Variants in GRIP1 observed in about 807,000 individuals in gnomAD.
The protein encoded by GRIP1 is glutamate receptor interacting protein 1.
In GRIP1, 45 loss-of-function variants were observed where a neutral mutation model predicts 129.9. The ratio of observed to expected loss-of-function variants is 0.35; its 90% CI spans 0.27 to 0.44. The LOEUF (loss-of-function observed/expected upper bound fraction) is 0.44, where lower values mean the gene tolerates loss of function less well. Ranked by LOEUF, GRIP1 falls within the 20% of genes least tolerant of loss-of-function variation. GRIP1 has a pLI of 1.00. For synonymous variants in GRIP1, 530 were observed against 520.8 expected (o/e 1.02, Z -0.24); for missense variants, 1,196 against 1,396.8 (o/e 0.86, Z 2.29).
intron 16 of GRIP1, among the ~76,000 whole-genome samples, chr12:66,399,608 G>C (rs1398882074): frequency 6.6e-6 from 1 of 151,950 alleles, no homozygotes; most frequent in African/African-American, 2.4e-5. Flanking sequence ...CTCAGCTCTA[G>C]TTAACAAAAT....
chr12:66,738,999 G>A (rs1189633767), intron 1 of GRIP1, among the ~76,000 whole-genome samples: 1 of 152,082 alleles, frequency 6.6e-6, no homozygotes, highest in African/African-American at 2.4e-5. Context: ...GACTTGGAGA[G>A]CCTTATATAT....
At chr12:66,840,344 G>T (rs1187369899) in intron 1 of GRIP1, among the ~76,000 whole-genome samples, 1 of 152,166 alleles carries the variant, frequency 6.6e-6, no homozygotes, top group Non-Finnish European at 1.5e-5. Context: ...TCAGTTTGGG[G>T]TGGTGGCTTT....
intron 23 of GRIP1, among the ~76,000 whole-genome samples, chr12:66,365,369 G>A (rs559329642): frequency 2.6e-5 from 4 of 152,278 alleles, no homozygotes; most frequent in African/African-American, 9.6e-5. Flanking sequence ...CCTGGGAGGC[G>A]GAGGTTGCAG....
Position 66,528,134 on chromosome 12 carries a change from G to GTTT in GRIP1, c.502+1694_502+1696dup, listed in dbSNP as rs59443918. On this transcript the variant is annotated intron_variant, in intron 5 of 24. Transcript: ENST00000359742. ...TAGAATTATACTTTAGAATTAGTAGGTTTTTTTTTTTTTTTTTTGAGATGG... is the reference window on the plus strand; with the variant it reads ...TAGAATTATACTTTAGAATTAGTAGGTTTTTTTTTTTTTTTTTTTTTGAGATGG... Among the ~76,000 whole-genome samples the GTTT allele has an allele frequency of 1.6e-3, 155 of 99,224 alleles. 5 individuals are homozygous for GTTT. The highest frequency in any genetic ancestry group is 6.3e-3 in the African/African-American group (134 of 21,110). The allele number at this position is 99,224 out of a possible 152,430, so 65.1% of individuals were successfully genotyped here. A position where few individuals can be genotyped will look rare whatever the true frequency, so the allele number is the denominator to read the frequency against.
chr12:66,964,229 C>G (rs1437516364), intron 1 of GRIP1, among the ~76,000 whole-genome samples: 2 of 152,128 alleles, frequency 1.3e-5, no homozygotes, highest in Non-Finnish European at 2.9e-5. Context: ...TGAATACCTT[C>G]TGTGTGCCAG....
chr12:66,527,591 A>G lies in GRIP1; in HGVS notation c.502+2240T>C, dbSNP rs182852515. 2.0e-3 allele frequency among the ~76,000 whole-genome samples: 300 copies of G among 152,176 alleles called. 1 individual carries two copies. The highest frequency in any genetic ancestry group is 7.0e-3 in the African/African-American group (289 of 41,510). On this transcript the variant is annotated intron_variant, in intron 5 of 24. Transcript: ENST00000359742. ...CTAATGCTAAATGACAAGTTAATGG[A>G]TGCAGCACACCAACATGGCACATGT...
intron 1 of GRIP1, among the ~76,000 whole-genome samples, chr12:66,790,685 C>T (rs2038502233): frequency 6.6e-6 from 1 of 151,948 alleles, no homozygotes; most frequent in South Asian, 2.1e-4. Context: ...AAGAAAGGTA[C>T]TGGGAACATA....
intron 1 of GRIP1, among the ~76,000 whole-genome samples, chr12:67,030,429 A>C (rs1296628354): frequency 6.6e-6 from 1 of 152,052 alleles, no homozygotes; most frequent in Admixed American, 6.6e-5. Flanking sequence ...CGGCAACATA[A>C]CTCAAGCAAT....
intron 23 of GRIP1, 130 bp from the exon 24 acceptor site, chr12:66,353,693 C>A (rs2054343302): frequency 1.2e-6 from 1 of 823,668 alleles, no homozygotes; most frequent in East Asian, 2.4e-5. Context: ...TCAGTCAGCT[C>A]CCTGCACCAA....
chr12:66,642,116 T>C (rs1242725255), intron 1 of GRIP1, among the ~76,000 whole-genome samples: 3 of 152,030 alleles, frequency 2.0e-5, no homozygotes, highest in East Asian at 1.9e-4. Flanking sequence ...TACAATATAG[T>C]GTTAAATGCC....
chr12:66,754,575 CA>C (rs1325898932), intron 1 of GRIP1, among the ~76,000 whole-genome samples: 2 of 152,174 alleles, frequency 1.3e-5, no homozygotes, highest in Non-Finnish European at 1.5e-5. Flanking sequence ...AGAGAGCCGT[CA>C]CTACACTGTC....
At chr12:67,005,236 A>C (rs1315450765) in intron 1 of GRIP1, among the ~76,000 whole-genome samples, 1 of 152,178 alleles carries the variant, frequency 6.6e-6, no homozygotes, top group Non-Finnish European at 1.5e-5. Flanking sequence ...ATATTTTAAA[A>C]ACTAGTTTTC....
At chr12:66,428,577 TGTG>T (rs1226382098) in intron 14 of GRIP1, among the ~76,000 whole-genome samples, 2 of 152,064 alleles carry the variant, frequency 1.3e-5, no homozygotes, top group Non-Finnish European at 2.9e-5. Flanking sequence ...GGATGAGTGG[TGTG>T]GTGAAAATAA....
In GRIP1 at chr12:66,703,099, C is replaced by T. The variant is rs1363058156; in HGVS notation, c.-419-72763G>A. On this transcript the variant is annotated intron_variant, in intron 1 of 4. Coordinates refer to the GRIP1 transcript ENST00000538373. ...AAGCACAGAGAGGAGATCTAATAGC[C>T]GGGAGAAAAGGAGTAGAGCAGATGA... 3.3e-5 allele frequency among the ~76,000 whole-genome samples: 5 copies of T among 151,946 alleles called. No homozygotes were observed. The South Asian group carries it at 6.2e-4, about 19-fold the overall frequency.
chr12:66,354,390 C>T (rs1442303249), intron 23 of GRIP1, among the ~76,000 whole-genome samples: 1 of 152,212 alleles, frequency 6.6e-6, no homozygotes, highest in African/African-American at 2.4e-5. Flanking sequence ...ATTGTAAGCA[C>T]AGCATGGGGT....
chr12:66,580,121 G>T (rs201323185), intron 2 of GRIP1, among the ~76,000 whole-genome samples: 25,465 of 133,150 alleles, frequency 0.19, 1,952 homozygotes, highest in Admixed American at 0.21. Context: ...TTAAAGAAAA[G>T]AATTTTCAAC....
chr12:66,536,670 C>T (rs1231025857), intron 4 of GRIP1, among the ~76,000 whole-genome samples: 1 of 152,206 alleles, frequency 6.6e-6, no homozygotes, highest in African/African-American at 2.4e-5. Flanking sequence ...CTCAATCCCT[C>T]TCCTTGCACT....
chr12:66,715,682 A>T (rs1253709201), intron 1 of GRIP1, among the ~76,000 whole-genome samples: 1 of 152,094 alleles, frequency 6.6e-6, no homozygotes, highest in African/African-American at 2.4e-5. Context: ...GGTCTTGCTC[A>T]GACCTGTTCC....
At chr12:66,575,382 C>T (rs888891453) in intron 2 of GRIP1, among the ~76,000 whole-genome samples, 19 of 152,022 alleles carry the variant, frequency 1.2e-4, no homozygotes, top group Admixed American at 1.0e-3. Flanking sequence ...ATTGATGATA[C>T]CAATGTGTCT....
Sources: allele counts gnomAD v4.1 joint callset (sites outside exome capture counted in the v4.1 genomes callset), GRCh38; gene constraint gnomAD v4.1.1; transcripts MANE v1.5; gene names NCBI Gene and HGNC (gene_info 2026-07-23, HGNC 2026-07-21).